Variants in FOXN3 observed in about 807,000 individuals in gnomAD.
FOXN3 encodes the protein forkhead box N3, also known as forkhead box protein N3.
FOXN3 carries 7 observed loss-of-function variants against 38.4 expected under a neutral mutation model. The ratio of observed to expected loss-of-function variants is 0.18; its 90% confidence interval spans 0.10 to 0.34. The LOEUF is 0.34. Among genes scored for constraint, FOXN3 ranks in the 10% least tolerant of loss-of-function variants. FOXN3 has a pLI of 1.00. For synonymous variants in FOXN3, 230 were observed against 242.2 expected (o/e 0.95, Z 0.47); for missense variants, 456 against 613.4 (o/e 0.74, Z 2.71).
chr14:89,490,986 T>C (rs1007253215), intron 1 of FOXN3, among the ~76,000 whole-genome samples: 7 of 152,226 alleles, frequency 4.6e-5, no homozygotes, highest in African/African-American at 1.7e-4. Context: ...ATTTTTGTTT[T>C]TTTTTGAGAT....
intron 1 of FOXN3, among the ~76,000 whole-genome samples, chr14:89,439,715 G>T (rs1313252335): frequency 2.0e-5 from 3 of 149,906 alleles, no homozygotes; most frequent in Admixed American, 2.0e-4. Context: ...GAGTGCAGTG[G>T]TGTGATCTCT....
At chr14:89,247,945 T>A (rs929405791) in intron 4 of FOXN3, among the ~76,000 whole-genome samples, 1 of 152,188 alleles carries the variant, frequency 6.6e-6, no homozygotes, top group African/African-American at 2.4e-5. Flanking sequence ...TCCTACCATC[T>A]TTGCACCTGC....
chr14:89,433,497 C>G (rs1740157410), intron 1 of FOXN3, among the ~76,000 whole-genome samples: 2 of 150,958 alleles, frequency 1.3e-5, no homozygotes, highest in Admixed American at 1.3e-4. Flanking sequence ...AACAAACAAA[C>G]AAATAAATAC....
At chr14:89,431,877 G>C (rs769735442) in intron 1 of FOXN3, among the ~76,000 whole-genome samples, 17 of 152,092 alleles carry the variant, frequency 1.1e-4, no homozygotes, top group Non-Finnish European at 2.5e-4. Flanking sequence ...ACCACGTCCA[G>C]CTAATTTTTG....
In FOXN3 at chr14:89,484,411, G is replaced by C. The variant is rs892019429; in HGVS notation, c.-14-71921C>G. Among the ~76,000 whole-genome samples the C allele has an allele frequency of 2.6e-5, 4 of 152,174 alleles. No homozygotes were observed. The highest frequency in any genetic ancestry group is 9.7e-5 in the African/African-American group (4 of 41,432). ...GATAATCCAGAAATGAACAAACATG[G>C]CTCTGTTTCAATAACATTTTATTTA... is the stretch of plus-strand genomic sequence containing the variant. On this transcript the variant is annotated intron_variant, in intron 1 of 6. Coordinates refer to the FOXN3 transcript ENST00000345097. The surrounding 1 kb of genome is among the most constrained non-coding windows in gnomAD (Gnocchi z 4.0).
chr14:89,181,265 T>C (rs976810658), intron 4 of FOXN3, among the ~76,000 whole-genome samples: 3 of 151,718 alleles, frequency 2.0e-5, no homozygotes, highest in African/African-American at 7.3e-5. Flanking sequence ...TTATTAAACA[T>C]AACCTTTTAC....
intron 1 of FOXN3, among the ~76,000 whole-genome samples, chr14:89,468,950 A>G (rs960664322): frequency 6.6e-5 from 10 of 152,158 alleles, no homozygotes; most frequent in African/African-American, 1.9e-4. Context: ...TGCTCTGCCC[A>G]TATACCCTGA....
chr14:89,597,771 G>C (rs1433138696), intron 1 of FOXN3, among the ~76,000 whole-genome samples: 1 of 151,992 alleles, frequency 6.6e-6, no homozygotes, highest in Non-Finnish European at 1.5e-5. Flanking sequence ...CTTTTGCATG[G>C]TATATCTTGC....
At chr14:89,190,093 G>T (rs538968928) in intron 4 of FOXN3, among the ~76,000 whole-genome samples, 2 of 152,310 alleles carry the variant, frequency 1.3e-5, no homozygotes, top group East Asian at 3.9e-4. Context: ...AGCAAGGAAG[G>T]CCTCTTCACT....
chr14:89,383,041 T>TG (rs1566973441), intron 2 of FOXN3, among the ~76,000 whole-genome samples: 1 of 147,220 alleles, frequency 6.8e-6, no homozygotes, highest in Non-Finnish European at 1.5e-5. Context: ...TTTTTTTTTT[T>TG]TTTTTTTTTT....
At chr14:89,441,278 C>T (rs1354936151) in intron 1 of FOXN3, among the ~76,000 whole-genome samples, 1 of 152,178 alleles carries the variant, frequency 6.6e-6, no homozygotes, top group East Asian at 1.9e-4. Flanking sequence ...CGACTCCATT[C>T]ACTAACACCA....
intron 1 of FOXN3, among the ~76,000 whole-genome samples, chr14:89,555,992 T>C (rs899178356): frequency 2.0e-5 from 3 of 152,122 alleles, no homozygotes; most frequent in Admixed American, 1.3e-4. Context: ...TCTTTTTCTC[T>C]AATGATGAAT....
Position 89,163,450 on chromosome 14 carries a change from G to A in FOXN3, c.852-481C>T, listed in dbSNP as rs1332947623. ...AGTGTTCAGCAAAGATACCTGCCAT[G>A]TGGTGACAGCTACTCACTCATGCAT... is the stretch of plus-strand genomic sequence containing the variant. On this transcript the variant is annotated intron_variant, in intron 5 of 5. Transcript: ENST00000557258. The surrounding 1 kb of genome is among the most constrained non-coding windows in gnomAD (Gnocchi z 4.3). Among the ~76,000 whole-genome samples, 1 of 152,198 alleles carries A rather than the reference G, an allele frequency of 6.6e-6. No individual in the cohort carries two copies. Among genetic ancestry groups the A allele is most frequent in the Non-Finnish European group, 1.5e-5 (1 of 68,038 alleles).
At chr14:89,405,027 TA>T (rs1891350892) in intron 2 of FOXN3, among the ~76,000 whole-genome samples, 1 of 152,168 alleles carries the variant, frequency 6.6e-6, no homozygotes, top group African/African-American at 2.4e-5. Context: ...GTGTCACGGT[TA>T]GGGGAAATGC....
intron 3 of FOXN3, among the ~76,000 whole-genome samples, chr14:89,312,997 T>G (rs1887606627): frequency 6.6e-6 from 1 of 152,200 alleles, no homozygotes; most frequent in South Asian, 2.1e-4. Flanking sequence ...GCCCTGTCGC[T>G]TTGTCCCAAA....
intron 1 of FOXN3, among the ~76,000 whole-genome samples, chr14:89,466,489 C>CT (rs1206221983): frequency 2.6e-5 from 4 of 152,206 alleles, no homozygotes; most frequent in African/African-American, 9.6e-5. Flanking sequence ...AGCACTAACC[C>CT]TGTCCATGTT....
chr14:89,563,152 T>C (rs1024619809), intron 1 of FOXN3, among the ~76,000 whole-genome samples: 1 of 152,226 alleles, frequency 6.6e-6, no homozygotes, highest in Admixed American at 6.5e-5. Flanking sequence ...AATGCAGATG[T>C]CACAACGATG....
intron 1 of FOXN3, among the ~76,000 whole-genome samples, chr14:89,509,163 G>C (rs1894007539): frequency 6.6e-6 from 1 of 152,054 alleles, no homozygotes; most frequent in African/African-American, 2.4e-5. Flanking sequence ...CACACTGGCT[G>C]AGCATCGACC....
At position 89,196,289 on chromosome 14, in the gene FOXN3, G is replaced by A. The variant is rs537864023; in HGVS notation, c.746-15483C>T. On this transcript the variant is annotated intron_variant, in intron 4 of 5. Coordinates refer to ENST00000557258, the MANE Select transcript of FOXN3 (RefSeq NM_005197.4). ...GGGTGAAGAAAAATATTGAGCCTCAGTTTCTCAAACTGTTGAGATGGTTCC... is the reference window on the plus strand; with the variant it reads ...GGGTGAAGAAAAATATTGAGCCTCAATTTCTCAAACTGTTGAGATGGTTCC... Among the ~76,000 whole-genome samples, 4 of 152,292 alleles carry A rather than the reference G, an allele frequency of 2.6e-5. No homozygotes were observed. The Middle Eastern group carries it at 0.01, about 389-fold the overall frequency.
Sources: allele counts gnomAD v4.1 joint callset (sites outside exome capture counted in the v4.1 genomes callset), GRCh38; gene constraint gnomAD v4.1.1; non-coding constraint Gnocchi (gnomAD v3.1); transcripts MANE v1.5; gene names NCBI Gene and HGNC (gene_info 2026-07-23, HGNC 2026-07-21).